The following WDR33 variants were observed in gnomAD, a reference collection of about 807,000 sequenced individuals.
WDR33 encodes WD repeat domain 33.
A neutral mutation model predicts 164.9 loss-of-function variants in WDR33; 47 were observed. The observed-to-expected ratio is 0.29, with a 90% CI of 0.23 to 0.36. The LOEUF is 0.36. WDR33 is among the 10% of genes least tolerant of loss of function. The pLI, the probability that WDR33 is intolerant of heterozygous loss-of-function variation, is 1.00. For synonymous variants in WDR33, 505 were observed against 589.0 expected, an observed-to-expected ratio of 0.86 and a Z score of 2.06; for missense variants, 1,137 against 1,754.1, an observed-to-expected ratio of 0.65 and a Z score of 6.28.
chr2:127,723,418 A>G lies in WDR33; in HGVS notation c.1197-71T>C. On this transcript the variant is annotated intron_variant, in intron 11 of 21. Coordinates refer to ENST00000322313, the MANE Select transcript of WDR33 (RefSeq NM_018383.5). The surrounding 1 kb of genome is among the most constrained non-coding windows in gnomAD (Gnocchi z 5.9). ...TTTTGGGCACTAAACAGTACTAGGC[A>G]GACCCTTGGTAAACACAACACATTT... The G allele has an allele frequency of 8.4e-7, 1 of 1,186,266 alleles. No homozygotes were observed. Among genetic ancestry groups the G allele is most frequent in the Non-Finnish European group, 1.2e-6 (1 of 817,178 alleles). The allele number at this position is 1,186,266 out of a possible 1,614,324, so 73.5% of individuals were successfully genotyped here. A position where few individuals can be genotyped will look rare whatever the true frequency, so the allele number is the denominator to read the frequency against.
rs910091945 is a variant in WDR33, at chr2:127,701,835, C to T, written c.*4488G>A. The T allele has an allele frequency of 2.3e-5, 33 of 1,459,050 alleles. No homozygotes were observed. The Admixed American group carries it at 3.7e-4, about 16-fold the overall frequency. The allele number at this position is 1,459,050 out of a possible 1,614,324, so 90.4% of individuals were successfully genotyped here. ...CGCGCTCTACGCACCGGTGTTGCTG[C>T]TGCGCGCGCGCAAGTTCGCGCTGCT... is the stretch of plus-strand genomic sequence containing the variant. On this transcript the variant is annotated 3_prime_UTR_variant, in exon 22 of 22. Transcript: ENST00000322313.
Position 127,735,436 on chromosome 2 carries a change from A to G in WDR33, c.725-8659T>C, listed in dbSNP as rs1388446344. 2.0e-6 allele frequency: 2 copies of G among 985,662 alleles called. No individual in the cohort carries two copies. The highest frequency in any genetic ancestry group is 1.2e-6 in the Non-Finnish European group (1 of 829,856). The allele number at this position is 985,662 out of a possible 1,614,324, so 61.1% of individuals were successfully genotyped here. A position where few individuals can be genotyped will look rare whatever the true frequency, so the allele number is the denominator to read the frequency against. Reference sequence around the variant, plus strand: ...GGTCAGAAATGGTGTCCATGTTCCCATTTTATTTTTCCTGGATCAGACCAT... The same window carrying G: ...GGTCAGAAATGGTGTCCATGTTCCCGTTTTATTTTTCCTGGATCAGACCAT... On this transcript the variant is annotated intron_variant, in intron 7 of 21. Transcript: ENST00000322313. This position sits in a 1 kb window ranked among gnomAD's most constrained non-coding sequence, Gnocchi z 4.3.
In WDR33 at chr2:127,705,955, C is replaced by G; in HGVS notation, c.*368G>C. 1 of 213,570 alleles carries G rather than the reference C, an allele frequency of 4.7e-6. No individual in the cohort carries two copies. Among genetic ancestry groups the G allele is most frequent in the Non-Finnish European group, 9.1e-6 (1 of 109,342 alleles). The allele number at this position is 213,570 out of a possible 1,614,324, so 13.2% of individuals were successfully genotyped here. A position where few individuals can be genotyped will look rare whatever the true frequency, so the allele number is the denominator to read the frequency against. On this transcript the variant is annotated 3_prime_UTR_variant, in exon 22 of 22. Transcript: ENST00000322313. This position sits in a 1 kb window ranked among gnomAD's most constrained non-coding sequence, Gnocchi z 4.5. Reference sequence around the variant, plus strand: ...GCGTAAATCACATTCTGTATTCATACAAAAACTTTGTTTTTCTCTGACAAA... The same window carrying G: ...GCGTAAATCACATTCTGTATTCATAGAAAAACTTTGTTTTTCTCTGACAAA...
chr2:127,748,222 C>G (rs571867001), intron 7 of WDR33, among the ~76,000 whole-genome samples: 2 of 152,292 alleles, frequency 1.3e-5, no homozygotes, highest in African/African-American at 4.8e-5. Context: ...AAGCCCAAAT[C>G]CTATAATACA....
chr2:127,724,648 G>C lies in WDR33; in HGVS notation c.1086-205C>G, dbSNP rs55893313. ...TTCATCCAAAGAGCACTTCACAGGG[G>C]AAAAGGCTGCAAGCATTTAGAAACT... On this transcript the variant is annotated intron_variant, in intron 10 of 21. Coordinates refer to ENST00000322313, the MANE Select transcript of WDR33 (RefSeq NM_018383.5). This position sits in a 1 kb window ranked among gnomAD's most constrained non-coding sequence, Gnocchi z 4.8. Among the ~76,000 whole-genome samples, 7,136 of 152,174 alleles carry C rather than the reference G, an allele frequency of 0.047. 273 individuals carry two copies. The highest frequency in any genetic ancestry group is 0.11 in the African/African-American group (4,533 of 41,496).
rs1364109698 is a variant in WDR33, at chr2:127,719,878, TGACCCTGTGGGCCAGGTG to T, written c.2129_2146del (p.Pro710_Gly715del). 1 of 1,613,690 alleles carries T rather than the reference TGACCCTGTGGGCCAGGTG, an allele frequency of 6.2e-7. No homozygotes were observed. The highest frequency in any genetic ancestry group is 8.5e-7 in the Non-Finnish European group (1 of 1,179,926). On this transcript the variant is annotated inframe_deletion, in exon 16 of 22. Coordinates refer to ENST00000322313, the MANE Select transcript of WDR33 (RefSeq NM_018383.5). This position sits in a 1 kb window ranked among gnomAD's most constrained non-coding sequence, Gnocchi z 6.5. ...GCCAGGCGGGCCTTGGGGGCCTATG[TGACCCTGTGGGCCAGGTG>T]GACCCTGAGGACCCATATGACCTTG...
chr2:127,779,227 G>A (rs1180354113), intron 1 of WDR33, among the ~76,000 whole-genome samples: 3 of 151,820 alleles, frequency 2.0e-5, no homozygotes, highest in African/African-American at 2.4e-5. Flanking sequence ...TAGCACTTTG[G>A]GAGGCCAAGG....
chr2:127,748,091 T>C (rs1687217029), intron 7 of WDR33, among the ~76,000 whole-genome samples: 1 of 152,210 alleles, frequency 6.6e-6, no homozygotes, highest in African/African-American at 2.4e-5. Flanking sequence ...TTAACCTCAA[T>C]CTACTTGACC....
chr2:127,702,614 C>G lies in WDR33; in HGVS notation c.*3709G>C, dbSNP rs959061446. ...ACGGTAGTTTTTTGTTTTGGCTATA[C>G]TAAGACTTGGAAATTATTCTCTCCA... On this transcript the variant is annotated 3_prime_UTR_variant, in exon 22 of 22. Coordinates refer to ENST00000322313, the MANE Select transcript of WDR33 (RefSeq NM_018383.5). 1.7e-4 allele frequency: 28 copies of G among 167,472 alleles called. No individual in the cohort carries two copies. The highest frequency in any genetic ancestry group is 6.3e-4 in the African/African-American group (26 of 41,590). The allele number at this position is 167,472 out of a possible 1,614,324, so 10.4% of individuals were successfully genotyped here. A position where few individuals can be genotyped will look rare whatever the true frequency, so the allele number is the denominator to read the frequency against.
At chr2:127,756,185 T>C (rs1343240434) in intron 7 of WDR33, among the ~76,000 whole-genome samples, 2 of 151,982 alleles carry the variant, frequency 1.3e-5, no homozygotes, top group South Asian at 2.1e-4. Context: ...AATACAAAAA[T>C]TAGCTGGGTC....
chr2:127,788,508 G>A (rs1688701151), intron 1 of WDR33, among the ~76,000 whole-genome samples: 2 of 125,960 alleles, frequency 1.6e-5, no homozygotes, highest in African/African-American at 3.3e-5. Context: ...CGGGGCGGCT[G>A]GCCGGGTGGG....
In WDR33 at chr2:127,706,563, G is replaced by A. The variant is rs767698329; in HGVS notation, c.3782-11C>T. On this transcript the variant is annotated splice_polypyrimidine_tract_variant and intron_variant, in intron 21 of 21. Transcript: ENST00000322313. This position sits in a 1 kb window ranked among gnomAD's most constrained non-coding sequence, Gnocchi z 5.1. ...CTGGGCCCCCTCGGCCTGAAACAAAGAAAATTTCACATGGGACTTTTTGTA... is the reference window on the plus strand; with the variant it reads ...CTGGGCCCCCTCGGCCTGAAACAAAAAAAATTTCACATGGGACTTTTTGTA... 4 of 1,583,948 alleles carry A rather than the reference G, an allele frequency of 2.5e-6. No individual in the cohort carries two copies. The South Asian group carries it at 4.6e-5, about 18-fold the overall frequency.
rs1043945585 is a variant in WDR33 at position 127,738,871 on chromosome 2, G to C, written c.725-12094C>G. On this transcript the variant is annotated intron_variant, in intron 7 of 21. Coordinates refer to ENST00000322313, the MANE Select transcript of WDR33 (RefSeq NM_018383.5). This position sits in a 1 kb window ranked among gnomAD's most constrained non-coding sequence, Gnocchi z 4.4. ...TTCTTGATTAAAATGAAGAGGAGGA[G>C]GAGAATGGAACAAAATCTTGAAAGT... is the stretch of plus-strand genomic sequence containing the variant. 6.6e-6 allele frequency among the ~76,000 whole-genome samples: 1 copy of C among 152,142 alleles called. No homozygotes were observed. The highest frequency in any genetic ancestry group is 2.4e-5 in the African/African-American group (1 of 41,426).
Position 127,725,215 on chromosome 2 carries a change from A to G in WDR33, c.852T>C (p.Leu284=). Residue 284 remains leucine, a splice_region_variant and synonymous_variant, in exon 9 of 22, where the codon CTT becomes CTC. Transcript: ENST00000322313. ...DPKTGQSLAT[L]HAHKNTVMEV... ...CCATTACTGTGTTTTTATGGGCATG[A>G]CTAGAAACAAAGTATCAAAAAAAAA... is the stretch of plus-strand genomic sequence containing the variant. 5 of 1,587,124 alleles carry G rather than the reference A, an allele frequency of 3.2e-6. No homozygotes were observed. The highest frequency in any genetic ancestry group is 4.3e-6 in the Non-Finnish European group (5 of 1,173,028).
intron 8 of WDR33, 26 bp from the exon 9 acceptor site, chr2:127,725,241 T>A (rs754403130): frequency 1.3e-6 from 2 of 1,569,596 alleles, no homozygotes; most frequent in Admixed American, 2.1e-5. Context: ...CAAAAAAAAA[T>A]GTCAGAATTC....
rs367594543 is a variant in WDR33 at position 127,717,117 on chromosome 2, T to C, written c.2869+38A>G. 89 of 1,541,466 alleles carry C rather than the reference T, an allele frequency of 5.8e-5. No individual in the cohort carries two copies. The African/African-American group carries it at 8.3e-4, about 14-fold the overall frequency. The stretch of plus-strand genomic sequence containing the variant: ...CACTGTAAAATGTGCACAAAGGTGG[T>C]AGAATATAATCTTTTATTCAGCTGA... On this transcript the variant is annotated intron_variant, in intron 17 of 21. Transcript: ENST00000322313. The surrounding 1 kb of genome is among the most constrained non-coding windows in gnomAD (Gnocchi z 5.6).
intron 1 of WDR33, among the ~76,000 whole-genome samples, chr2:127,789,377 C>T (rs7597443): frequency 2.6e-5 from 3 of 115,620 alleles, no homozygotes; most frequent in Non-Finnish European, 3.6e-5. Context: ...TGTAGTGAGC[C>T]GAGATCACGC....
intron 1 of WDR33, among the ~76,000 whole-genome samples, chr2:127,776,121 A>C (rs1688176439): frequency 6.6e-6 from 1 of 152,294 alleles, no homozygotes; most frequent in East Asian, 1.9e-4. Context: ...GATTCTATTT[A>C]GATTTAGGGC....
At chr2:127,707,239 A>G (rs77736014) in intron 21 of WDR33, among the ~76,000 whole-genome samples, 4,608 of 151,554 alleles carry the variant, frequency 0.03, 101 homozygotes, top group Middle Eastern at 0.048. Context: ...TAAAAAAAAA[A>G]AAAAAAGAAA....
Sources: gnomAD v4.1 joint callset for allele counts (sites outside exome capture counted in the v4.1 genomes callset) on GRCh38, gnomAD v4.1.1 for gene constraint, Gnocchi (gnomAD v3.1) non-coding constraint, MANE v1.5 for transcripts, NCBI Gene and HGNC (gene_info 2026-07-23, HGNC 2026-07-21) for gene names.